Variants in PXDN observed in about 807,000 individuals in gnomAD.
PXDN encodes peroxidasin, also known as peroxidasin homolog.
Under a neutral mutation model 140.3 loss-of-function variants are expected in PXDN, and 77 were observed. The observed-to-expected ratio is 0.55, with a 90% CI of 0.46 to 0.66. The LOEUF (loss-of-function observed/expected upper bound fraction) is 0.66. Ranked by LOEUF, PXDN falls within the 30% of genes least tolerant of loss-of-function variation. PXDN has a pLI of 0.00. For missense variants in PXDN, 1,838 were observed against 2,039.5 expected, an observed-to-expected ratio of 0.90 and a Z score of 1.90; for synonymous variants, 911 against 857.4, an observed-to-expected ratio of 1.06 and a Z score of -1.09.
chr2:1,673,866 T>A, intron 8 of PXDN, 54 bp from the exon 9 acceptor site: 2 of 1,585,570 alleles, frequency 1.3e-6, no homozygotes, highest in Middle Eastern at 3.3e-4. Context: ...AAGACGTACC[T>A]CACCCATCCC....
At position 1,678,296 on chromosome 2, in the gene PXDN, C is replaced by T. The variant is rs1473225492; in HGVS notation, c.731-1252G>A. 5.9e-5 allele frequency among the ~76,000 whole-genome samples: 9 copies of T among 152,162 alleles called. No homozygotes were observed. In the South Asian group the frequency reaches 1.5e-3, roughly 25 times the overall value. On this transcript the variant is annotated intron_variant, in intron 7 of 22. Transcript: ENST00000252804. ...TTCTAGAATATAAACATCATCCCAA[C>T]GTTCCGTAAACCCTCCCATGGCTCC...
chr2:1,683,591 G>A (rs1683973169), intron 6 of PXDN, 65 bp downstream of exon 6: 1 of 939,814 alleles, frequency 1.1e-6, no homozygotes, highest in East Asian at 3.7e-5. Context: ...AAAGAACCAG[G>A]TGAATAGATA....
chr2:1,683,656 A>C lies in PXDN; in HGVS notation c.560T>G (p.Leu187Trp). The part of the protein sequence containing the change: ...TFNHLESMKR[L>W]RLDSNTLHCD... ...AAAACACAAAAGGTTTTATACTCACAATCTCTTCATAGATTCCAAGTGATT... is the reference window on the plus strand; with the variant it reads ...AAAACACAAAAGGTTTTATACTCACCATCTCTTCATAGATTCCAAGTGATT... Residue 187 changes from leucine to tryptophan, a missense_variant and splice_region_variant, in exon 6 of 23, where the codon TTG becomes TGG. Physicochemically the swap from Leu to Trp is moderately conservative, Grantham distance 61. Around this residue, in one of 5 missense-constraint regions of PXDN, gnomAD observed 208 missense variants for 325.8 expected, o/e 0.64. Transcript: ENST00000252804. 6.3e-7 allele frequency: 1 copy of C among 1,598,250 alleles called. No homozygotes were observed. Among genetic ancestry groups the C allele is most frequent in the Non-Finnish European group, 8.5e-7 (1 of 1,171,044 alleles).
At position 1,661,002 on chromosome 2, in the gene PXDN, G is replaced by A. The variant is rs370466278; in HGVS notation, c.1716C>T (p.His572=). ...GVQVTESGKF[H]ISPEGFLTIN... ...TGGTCAAGAATCCTTCAGGGCTGAT[G>A]TGAAATTTTCCACTTTCTGTCACCT... Residue 572 remains histidine (H), a synonymous_variant, in exon 14 of 23, where the codon CAC becomes CAT. Coordinates refer to ENST00000252804, the MANE Select transcript of PXDN (RefSeq NM_012293.3). 3 of 1,613,856 alleles carry A rather than the reference G, an allele frequency of 1.9e-6. No homozygotes were observed. Among genetic ancestry groups the A allele is most frequent in the African/African-American group, 1.3e-5 (1 of 74,900 alleles).
At position 1,649,140 on chromosome 2, in the gene PXDN, G is replaced by A. The variant is rs79442404; in HGVS notation, c.2640C>T (p.Arg880=). ...RSGARCMFFV[R]SSPVCGSGMT... Reference sequence around the variant, plus strand: ...TGCCGCTGCCGCACACAGGGCTGGAGCGCACGAAGAACATGCAGCGGGCCC... The same window carrying A: ...TGCCGCTGCCGCACACAGGGCTGGAACGCACGAAGAACATGCAGCGGGCCC... Residue 880 remains arginine (R), a synonymous_variant, in exon 17 of 23, where the codon CGC becomes CGT. Transcript: ENST00000252804. This position sits in a 1 kb window ranked among gnomAD's most constrained non-coding sequence, Gnocchi z 7.1. The A allele has an allele frequency of 2.2e-4, 357 of 1,612,576 alleles. No individual in the cohort carries two copies. The highest frequency in any genetic ancestry group is 4.2e-4 in the Admixed American group (25 of 59,984).
At chr2:1,712,048 G>A (rs1684798210) in intron 1 of PXDN, among the ~76,000 whole-genome samples, 1 of 151,284 alleles carries the variant, frequency 6.6e-6, no homozygotes, top group Non-Finnish European at 1.5e-5. Flanking sequence ...AAAATGTTGA[G>A]GAATATATAT....
At chr2:1,673,962 C>A in intron 8 of PXDN, 150 bp from the exon 9 acceptor site, 1 of 774,152 alleles carries the variant, frequency 1.3e-6, no homozygotes, top group Non-Finnish European at 2.1e-6. Context: ...CCTGGCAGCC[C>A]TGACCTAACA....
chr2:1,650,582 CTG>C (rs765295583), intron 16 of PXDN, among the ~76,000 whole-genome samples: 5 of 152,186 alleles, frequency 3.3e-5, no homozygotes, highest in Non-Finnish European at 5.9e-5. Flanking sequence ...ACTCAGATCT[CTG>C]TGTTCGCCAA....
At chr2:1,694,240 A>G (rs1684248198) in intron 1 of PXDN, among the ~76,000 whole-genome samples, 1 of 152,190 alleles carries the variant, frequency 6.6e-6, no homozygotes, top group Non-Finnish European at 1.5e-5. Context: ...TCATTAGGGT[A>G]TCATAGGTAA....
intron 1 of PXDN, among the ~76,000 whole-genome samples, chr2:1,699,147 G>T (rs531099663): frequency 1.3e-5 from 2 of 152,306 alleles, no homozygotes; most frequent in Admixed American, 6.5e-5. Flanking sequence ...GAACTAAAAG[G>T]AAGCTTGGAG....
intron 16 of PXDN, among the ~76,000 whole-genome samples, chr2:1,650,855 C>T (rs931317455): frequency 3.3e-5 from 5 of 152,090 alleles, no homozygotes; most frequent in African/African-American, 1.2e-4. Context: ...CCCATTTCTG[C>T]TTGTCAAGAT....
chr2:1,713,064 C>T (rs192711955), intron 1 of PXDN, among the ~76,000 whole-genome samples: 1 of 152,272 alleles, frequency 6.6e-6, no homozygotes, highest in East Asian at 1.9e-4. Context: ...AAAAAGAATA[C>T]TCCTTTAATT....
At chr2:1,644,945 T>C (rs1682817490) in intron 17 of PXDN, among the ~76,000 whole-genome samples, 193 bp from the exon 18 acceptor site, 1 of 152,212 alleles carries the variant, frequency 6.6e-6, no homozygotes, top group Non-Finnish European at 1.5e-5. Context: ...CTTTCTATTA[T>C]ATATGTGAGA....
upstream of PXDN, chr2:1,744,733 C>T (rs1685653188): frequency 3.5e-6 from 1 of 283,158 alleles, no homozygotes; most frequent in Non-Finnish European, 6.5e-6. Context: ...GCATTGGCAC[C>T]CCTGATTCTG....
chr2:1,691,249 C>T (rs940357882), intron 3 of PXDN, among the ~76,000 whole-genome samples: 4 of 152,154 alleles, frequency 2.6e-5, no homozygotes, highest in East Asian at 1.9e-4. Context: ...TAAAAGCACA[C>T]GACACACACT....
chr2:1,719,528 T>C (rs1270307079), intron 1 of PXDN, among the ~76,000 whole-genome samples: 1 of 152,230 alleles, frequency 6.6e-6, no homozygotes, highest in Non-Finnish European at 1.5e-5. Flanking sequence ...CTAGCACCCC[T>C]GTGCCTCTAA....
intron 2 of PXDN, among the ~76,000 whole-genome samples, chr2:1,692,837 C>A (rs1198407974): frequency 6.6e-6 from 1 of 152,156 alleles, no homozygotes; most frequent in African/African-American, 2.4e-5. Flanking sequence ...GCATGGGTCC[C>A]AATCAACATG....
chr2:1,708,570 G>T (rs543290580), intron 1 of PXDN, among the ~76,000 whole-genome samples: 145 of 152,250 alleles, frequency 9.5e-4, no homozygotes, highest in African/African-American at 3.3e-3. Context: ...CCTGACCCAC[G>T]ATGGCAGAGG....
chr2:1,691,235 C>A (rs1231101277), intron 3 of PXDN, among the ~76,000 whole-genome samples: 2 of 152,142 alleles, frequency 1.3e-5, no homozygotes, highest in African/African-American at 4.8e-5. Flanking sequence ...AAAGAATACT[C>A]TTCTAAAAGC....
Sources: allele counts gnomAD v4.1 joint callset (sites outside exome capture counted in the v4.1 genomes callset), GRCh38; gene constraint gnomAD v4.1.1; regional missense constraint gnomAD v4.1.1; non-coding constraint Gnocchi (gnomAD v3.1); transcripts MANE v1.5; gene names NCBI Gene and HGNC (gene_info 2026-07-23, HGNC 2026-07-21).